Variants in TGFBR1 observed in about 807,000 individuals in gnomAD.
TGFBR1 encodes the protein TGF-beta receptor type-1.
In TGFBR1, 20 loss-of-function variants were observed where a neutral mutation model predicts 55.1. That is an observed-to-expected ratio of 0.36 (90% CI 0.26 to 0.53). The LOEUF (loss-of-function observed/expected upper bound fraction) is 0.53. Among genes scored for constraint, TGFBR1 ranks in the 20% least tolerant of loss-of-function variants. The pLI is 0.91. For missense variants in TGFBR1, 385 were observed against 617.6 expected, an observed-to-expected ratio of 0.62 and a Z score of 3.99; for synonymous variants, 220 against 214.8, an observed-to-expected ratio of 1.02 and a Z score of -0.21.
chr9:99,130,894 T>TC (rs1401232785), intron 2 of TGFBR1, among the ~76,000 whole-genome samples: 1 of 152,180 alleles, frequency 6.6e-6, no homozygotes, highest in African/African-American at 2.4e-5. Flanking sequence ...AAAAATGCAC[T>TC]ATTGAGAGCG....
At chr9:99,128,733 C>A in intron 1 of TGFBR1, 122 bp from the exon 2 acceptor site, 1 of 1,335,440 alleles carries the variant, frequency 7.5e-7, no homozygotes, top group Non-Finnish European at 1.1e-6. Flanking sequence ...CTTCTAAGAG[C>A]AACAAACAGT....
chr9:99,104,350 G>C (rs1367330746), upstream of TGFBR1, among the ~76,000 whole-genome samples: 1 of 152,156 alleles, frequency 6.6e-6, no homozygotes, highest in Admixed American at 6.5e-5. Flanking sequence ...GAGGAGTGCG[G>C]CTTGGATCCC....
intron 1 of TGFBR1, among the ~76,000 whole-genome samples, chr9:99,128,475 TAAAAAAAAA>T (rs66612011): frequency 2.9e-5 from 3 of 104,034 alleles, no homozygotes; most frequent in South Asian, 3.1e-4. Context: ...TTGGGCCTGG[TAAAAAAAAA>T]AAAAAAAAAA....
chr9:99,120,388 C>A (rs1826864107), intron 1 of TGFBR1, among the ~76,000 whole-genome samples: 1 of 152,178 alleles, frequency 6.6e-6, no homozygotes, highest in East Asian at 1.9e-4. Flanking sequence ...ATAGAAGTTT[C>A]TCCATTTCTT....
At chr9:99,114,976 C>G (rs1421933358) in intron 1 of TGFBR1, among the ~76,000 whole-genome samples, 2 of 152,098 alleles carry the variant, frequency 1.3e-5, no homozygotes, top group African/African-American at 4.8e-5. Context: ...CCCTACTGTA[C>G]TGGTCTCACA....
intron 4 of TGFBR1, among the ~76,000 whole-genome samples, chr9:99,140,506 T>C (rs550687710): frequency 6.6e-6 from 1 of 152,112 alleles, no homozygotes; most frequent in East Asian, 1.9e-4. Flanking sequence ...GTAATCAGTC[T>C]GACCAAATCC....
chr9:99,119,190 C>G (rs973853291), intron 1 of TGFBR1, among the ~76,000 whole-genome samples: 1 of 152,186 alleles, frequency 6.6e-6, no homozygotes, highest in Non-Finnish European at 1.5e-5. Flanking sequence ...ACAGATCTTT[C>G]GCTGTTTGCT....
In TGFBR1 at chr9:99,105,255, T is replaced by TGGCGGCGGA; in HGVS notation, c.58_59insAGGCGGCGG (p.Ala19_Ala20insGluAlaAla). On this transcript the variant is annotated inframe_insertion, in exon 1 of 9. Coordinates refer to ENST00000374994, the MANE Select transcript of TGFBR1 (RefSeq NM_004612.4). Reference sequence around the variant, plus strand: ...CGTCCCCGGCTGCTCCTCCTCGTGCTGGCGGCGGCGGCGGCGGCGGCGGCG... The same window carrying TGGCGGCGGA: ...CGTCCCCGGCTGCTCCTCCTCGTGCTGGCGGCGGAGGCGGCGGCGGCGGCGGCGGCGGCG... 1 of 1,043,430 alleles carries TGGCGGCGGA rather than the reference T, an allele frequency of 9.6e-7. No individual in the cohort carries two copies. Among genetic ancestry groups the TGGCGGCGGA allele is most frequent in the Non-Finnish European group, 1.1e-6 (1 of 872,372 alleles). The allele number at this position is 1,043,430 out of a possible 1,614,324, so 64.6% of individuals were successfully genotyped here. A position where few individuals can be genotyped will look rare whatever the true frequency, so the allele number is the denominator to read the frequency against.
intron 3 of TGFBR1, among the ~76,000 whole-genome samples, chr9:99,136,205 A>G (rs1488997657): frequency 6.6e-6 from 1 of 152,198 alleles, no homozygotes; most frequent in East Asian, 1.9e-4. Context: ...GTAATCCAAT[A>G]TAGATAATAC....
chr9:99,109,130 A>AG (rs1365306289), intron 1 of TGFBR1, among the ~76,000 whole-genome samples: 5 of 152,170 alleles, frequency 3.3e-5, no homozygotes, highest in African/African-American at 1.2e-4. Flanking sequence ...CCTTAAGTGA[A>AG]GTAGGCCTTG....
At chr9:99,127,718 C>T (rs537805388) in intron 1 of TGFBR1, 24 of 355,614 alleles carry the variant, frequency 6.7e-5, no homozygotes, top group African/African-American at 3.2e-4. Context: ...TTGCTGTTCA[C>T]GTCATAGATG....
In TGFBR1 at chr9:99,154,079, T is replaced by G. The variant is rs901432204; in HGVS notation, c.*4774T>G. 2 of 227,690 alleles carry G rather than the reference T, an allele frequency of 8.8e-6. No individual in the cohort carries two copies. The highest frequency in any genetic ancestry group is 4.5e-5 in the African/African-American group (2 of 44,902). The allele number at this position is 227,690 out of a possible 1,614,324, so 14.1% of individuals were successfully genotyped here. A position where few individuals can be genotyped will look rare whatever the true frequency, so the allele number is the denominator to read the frequency against. ...TCACATTAAAGATAGTTACTTCAAT[T>G]TGAAGGCTGGATTTAGGGATTTTTT... On this transcript the variant is annotated 3_prime_UTR_variant, in exon 9 of 9. Transcript: ENST00000374994.
chr9:99,139,070 A>G (rs1827530738), intron 4 of TGFBR1, among the ~76,000 whole-genome samples: 1 of 152,132 alleles, frequency 6.6e-6, no homozygotes, highest in Non-Finnish European at 1.5e-5. Context: ...TGCTGGGATT[A>G]CAGGCATGAG....
rs777805295 is a variant in TGFBR1, at chr9:99,144,877, G to A, written c.1119G>A (p.Val373=). 3.7e-6 allele frequency: 6 copies of A among 1,613,642 alleles called. 1 individual carries two copies. Among genetic ancestry groups the A allele is most frequent in the Middle Eastern group, 1.7e-4 (1 of 6,054 alleles). ...DTIDIAPNHR[V]GTKRYMAPEV... is the part of the protein sequence containing the mutation. ...TTGATATTGCTCCAAACCACAGAGT[G>A]GGAACAAAAAGGTATACTTTTGAAC... The change falls in exon 6 of 9, where the codon GTG becomes GTA. Residue 373 remains valine, a synonymous_variant. Coordinates refer to ENST00000374994, the MANE Select transcript of TGFBR1 (RefSeq NM_004612.4).
intron 1 of TGFBR1, among the ~76,000 whole-genome samples, chr9:99,112,724 G>A (rs1320396981): frequency 6.6e-6 from 1 of 152,134 alleles, no homozygotes; most frequent in Non-Finnish European, 1.5e-5. Flanking sequence ...GCTGGATAAT[G>A]CCTTTAACTT....
chr9:99,115,969 T>C (rs1370401997), intron 1 of TGFBR1, among the ~76,000 whole-genome samples: 2 of 152,210 alleles, frequency 1.3e-5, no homozygotes, highest in Non-Finnish European at 2.9e-5. Flanking sequence ...CACCAAAGCG[T>C]TGGCAGATTA....
chr9:99,128,843 C>G lies in TGFBR1; in HGVS notation c.98-12C>G. ...CTTGAGATTTTTTCTAAGAATCTTT[C>G]TCTTTTTCCAGCGTTACAGTGTTTC... is the stretch of plus-strand genomic sequence containing the variant. On this transcript the variant is annotated splice_polypyrimidine_tract_variant and intron_variant, in intron 1 of 8. Coordinates refer to ENST00000374994, the MANE Select transcript of TGFBR1 (RefSeq NM_004612.4). 1 of 1,613,398 alleles carries G rather than the reference C, an allele frequency of 6.2e-7. No individual in the cohort carries two copies. The highest frequency in any genetic ancestry group is 8.5e-7 in the Non-Finnish European group (1 of 1,179,782).
At chr9:99,133,018 T>C (rs1212477501) in intron 3 of TGFBR1, among the ~76,000 whole-genome samples, 1 of 152,206 alleles carries the variant, frequency 6.6e-6, no homozygotes, top group East Asian at 1.9e-4. Context: ...CTAATTTGCT[T>C]TTCATCACTG....
chr9:99,105,942 C>T (rs1826401029), intron 1 of TGFBR1, among the ~76,000 whole-genome samples: 1 of 152,232 alleles, frequency 6.6e-6, no homozygotes, highest in Non-Finnish European at 1.5e-5. Context: ...GAAGGGGCTG[C>T]TCCTCCAGCC....
Sources: allele counts gnomAD v4.1 joint callset (sites outside exome capture counted in the v4.1 genomes callset), GRCh38; gene constraint gnomAD v4.1.1; transcripts MANE v1.5; gene names NCBI Gene and HGNC (gene_info 2026-07-23, HGNC 2026-07-21).